UNC13A: variants seen among roughly 807,000 people sequenced by gnomAD.
The protein encoded by UNC13A is unc-13 homolog A.
Under a neutral mutation model 219.7 loss-of-function variants are expected in UNC13A, and 61 were observed. The observed-to-expected ratio is 0.28, with a 90% CI of 0.23 to 0.34. The LOEUF is 0.34. Among genes scored for constraint, UNC13A ranks in the 10% least tolerant of loss-of-function variants. UNC13A has a pLI of 1.00. For missense variants in UNC13A, 1,476 were observed against 2,270.3 expected (o/e 0.65, Z 7.11); for synonymous variants, 920 against 884.6 (o/e 1.04, Z -0.71).
rs1215613321 is a variant in UNC13A at position 17,602,951 on chromosome 19, C to G, written c.*3103G>C. ...CCAGTCTGGGAGAAACAGAGCTGGA[C>G]AGAGAAACCCCCAGTCCCATGGCAT... On this transcript the variant is annotated 3_prime_UTR_variant, in exon 44 of 44. Coordinates refer to ENST00000519716, the MANE Select transcript of UNC13A (RefSeq NM_001080421.3). The G allele has an allele frequency of 6.6e-6, 1 of 152,176 alleles. No homozygotes were observed. Among genetic ancestry groups the G allele is most frequent in the African/African-American group, 2.4e-5 (1 of 41,432 alleles). 9.4% of individuals were successfully genotyped at this position (152,176 alleles called of 1,614,324 possible).
At position 17,617,687 on chromosome 19, in the gene UNC13A, T is replaced by C. The variant is rs766903859; in HGVS notation, c.4558+15A>G. On this transcript the variant is annotated intron_variant, in intron 41 of 43. Transcript: ENST00000519716. Reference sequence around the variant, plus strand: ...CGCGGAGCGGGAAAGGGTGATGCGGTCTGGGTACCCTTACCCTGGGCCGAT... The same window carrying C: ...CGCGGAGCGGGAAAGGGTGATGCGGCCTGGGTACCCTTACCCTGGGCCGAT... The C allele has an allele frequency of 4.3e-6, 7 of 1,610,828 alleles. No homozygotes were observed. Among genetic ancestry groups the C allele is most frequent in the East Asian group, 2.2e-5 (1 of 44,808 alleles).
At chr19:17,636,845 T>A (rs1051494138) in intron 25 of UNC13A, among the ~76,000 whole-genome samples, 1 of 152,198 alleles carries the variant, frequency 6.6e-6, no homozygotes, top group Non-Finnish European at 1.5e-5. Flanking sequence ...ACAACCCAGT[T>A]CATCCTAACT....
chr19:17,641,698 A>C, intron 20 of UNC13A, 142 bp from the exon 21 acceptor site: 1 of 786,174 alleles, frequency 1.3e-6, no homozygotes, highest in South Asian at 2.1e-5. Context: ...CCATCCACAC[A>C]CCCACCCATC....
intron 41 of UNC13A, chr19:17,612,149 T>C (rs996548048): frequency 1.8e-5 from 5 of 282,056 alleles, no homozygotes; most frequent in African/African-American, 4.3e-5. Flanking sequence ...CAAAATTCAG[T>C]CTTCATGTTA....
In UNC13A at chr19:17,674,586, C is replaced by T. The variant is rs1374087874; in HGVS notation, c.152+71G>A. 2 of 1,418,614 alleles carry T rather than the reference C, an allele frequency of 1.4e-6. No individual in the cohort carries two copies. The highest frequency in any genetic ancestry group is 2.8e-5 in the African/African-American group (2 of 71,092). The allele number at this position is 1,418,614 out of a possible 1,614,324, so 87.9% of individuals were successfully genotyped here. ...ACCCGGGATTCCCCAGTGTCCAGCT[C>T]TGCCCTGAGGGGCCAGCGAGGTGCT... On this transcript the variant is annotated intron_variant, in intron 3 of 43. Transcript: ENST00000519716. This position sits in a 1 kb window ranked among gnomAD's most constrained non-coding sequence, Gnocchi z 5.0.
At chr19:17,640,880 CTTTTTT>C (rs10531732) in intron 21 of UNC13A, among the ~76,000 whole-genome samples, 1 of 139,750 alleles carries the variant, frequency 7.2e-6, no homozygotes. Context: ...TTCTTTCTTT[CTTTTTT>C]TTTTTTTTTT....
Position 17,602,004 on chromosome 19 carries a change from G to C in UNC13A, c.*4050C>G, listed in dbSNP as rs1270152673. ...CCATCTGCAAAATCGACAGCACATG[G>C]GGTAGGGGTAGGGGACAGAAAGGCT... On this transcript the variant is annotated 3_prime_UTR_variant, in exon 44 of 44. Transcript: ENST00000519716. 1 of 152,564 alleles carries C rather than the reference G, an allele frequency of 6.6e-6. No homozygotes were observed. The highest frequency in any genetic ancestry group is 2.4e-5 in the African/African-American group (1 of 41,386). The allele number at this position is 152,564 out of a possible 1,614,324, so 9.5% of individuals were successfully genotyped here. A position where few individuals can be genotyped will look rare whatever the true frequency, so the allele number is the denominator to read the frequency against.
rs890190786 is a variant in UNC13A, at chr19:17,626,765, T to A, written c.3941A>T (p.Glu1314Val). Residue 1314 changes from glutamate to valine, a missense_variant, in exon 34 of 44, where the codon GAG becomes GTG. This residue lies in a region of UNC13A where 218 missense variants were observed against 409.4 expected (regional missense o/e 0.53). Transcript: ENST00000519716. ...GATGTCACCCATCTGTTTGACACAC[T>A]CTTCAATGTGCGGCTGGAAGCTGGG... The part of the protein sequence containing the change: ...FATSFQPHIE[E>V]CVKQMGDILS... 2 of 1,611,832 alleles carry A rather than the reference T, an allele frequency of 1.2e-6. No individual in the cohort carries two copies. Among genetic ancestry groups the A allele is most frequent in the Admixed American group, 3.3e-5 (2 of 59,818 alleles).
rs575126345 is a variant in UNC13A, at chr19:17,631,814, C to T, written c.3428+968G>A. 1.5e-4 allele frequency among the ~76,000 whole-genome samples: 23 copies of T among 152,216 alleles called. No homozygotes were observed. In the East Asian group the frequency reaches 2.7e-3, roughly 18 times the overall value. On this transcript the variant is annotated intron_variant, in intron 28 of 43. Transcript: ENST00000519716. ...GGCTGGAGTGCAGTGACACGATTTC[C>T]GCTTACTGCAACCTCTGCCTCCTGA... is the stretch of plus-strand genomic sequence containing the variant.
chr19:17,628,977 A>G (rs2076813531), intron 31 of UNC13A, among the ~76,000 whole-genome samples: 1 of 152,126 alleles, frequency 6.6e-6, no homozygotes, highest in Non-Finnish European at 1.5e-5. Context: ...ACACACACAC[A>G]CACACGCAGA....
At position 17,674,048 on chromosome 19, in the gene UNC13A, C is replaced by A. The variant is rs895942892; in HGVS notation, c.152+609G>T. ...CAAACAAACAAAATTGGTGGCAAGGCCTGGGAAGGCATGATGCCCTGAAAT... is the reference window on the plus strand; with the variant it reads ...CAAACAAACAAAATTGGTGGCAAGGACTGGGAAGGCATGATGCCCTGAAAT... On this transcript the variant is annotated intron_variant, in intron 3 of 43. Coordinates refer to ENST00000519716, the MANE Select transcript of UNC13A (RefSeq NM_001080421.3). The surrounding 1 kb of genome is among the most constrained non-coding windows in gnomAD (Gnocchi z 5.0). Among the ~76,000 whole-genome samples the A allele has an allele frequency of 3.3e-5, 5 of 152,182 alleles. No homozygotes were observed. The highest frequency in any genetic ancestry group is 5.9e-5 in the Non-Finnish European group (4 of 68,040).
intron 34 of UNC13A, chr19:17,626,150 TATCCATCCATCCATCCATCCATCC>T (rs35036813): frequency 1.3e-5 from 2 of 148,940 alleles, no homozygotes; most frequent in Non-Finnish European, 2.9e-5. Flanking sequence ...TCCAACCATT[TATCCATCCATCCATCCATCCATCC>T]ATCCATCCAT....
At chr19:17,685,494 C>T (rs549459064) in intron 1 of UNC13A, among the ~76,000 whole-genome samples, 3 of 152,246 alleles carry the variant, frequency 2.0e-5, no homozygotes, top group Admixed American at 1.3e-4. Context: ...CCACCGCGCT[C>T]GGCTGGACAT....
Position 17,688,165 on chromosome 19 carries a change from C to T in UNC13A, c.22+13G>A. ...TCCACACGGGTCCCCCGACCCCCAG[C>T]CTCGCCTCCTACCTCCAACGCAAAG... is the stretch of plus-strand genomic sequence containing the variant. On this transcript the variant is annotated intron_variant, in intron 1 of 43. Coordinates refer to ENST00000519716, the MANE Select transcript of UNC13A (RefSeq NM_001080421.3). The T allele has an allele frequency of 6.5e-7, 1 of 1,528,584 alleles. No individual in the cohort carries two copies. 94.7% of individuals were successfully genotyped at this position (1,528,584 alleles called of 1,614,324 possible). A position where few individuals can be genotyped will look rare whatever the true frequency, so the allele number is the denominator to read the frequency against.
chr19:17,647,393 G>A lies in UNC13A; in HGVS notation c.1916C>T (p.Pro639Leu). 6.2e-7 allele frequency: 1 copy of A among 1,613,706 alleles called. No homozygotes were observed. Among genetic ancestry groups the A allele is most frequent in the Non-Finnish European group, 8.5e-7 (1 of 1,179,818 alleles). Residue 639 changes from proline (P) to leucine (L), a missense_variant, in exon 17 of 44, where the codon CCC becomes CTC. Pro to Leu is a moderately conservative substitution (Grantham distance 98). This residue lies in a region of UNC13A where 34 missense variants were observed against 38.7 expected (regional missense o/e 0.88). Coordinates refer to ENST00000519716, the MANE Select transcript of UNC13A (RefSeq NM_001080421.3). ...CTCCTGGATGAGCTCGAAGATCTCG[G>A]GCTTGTTGCGCTCCCGGATCTTCAT... Reference protein sequence around the residue: ...DRMKIRERNKPEIFELIQEIF... With the variant: ...DRMKIRERNKLEIFELIQEIF...
intron 7 of UNC13A, 139 bp from the exon 8 acceptor site, chr19:17,663,706 G>A (rs2079592569): frequency 1.3e-6 from 1 of 779,214 alleles, no homozygotes; most frequent in Non-Finnish European, 2.1e-6. Context: ...TACCTTCCCT[G>A]AGTATCACCT....
chr19:17,612,469 T>C (rs1335482165), intron 41 of UNC13A, among the ~76,000 whole-genome samples: 1 of 152,186 alleles, frequency 6.6e-6, no homozygotes, highest in Non-Finnish European at 1.5e-5. Context: ...ATCCCATGCC[T>C]GGACTATTGC....
intron 7 of UNC13A, among the ~76,000 whole-genome samples, chr19:17,665,057 G>A (rs1286672861): frequency 2.0e-5 from 3 of 152,100 alleles, no homozygotes; most frequent in African/African-American, 7.2e-5. Context: ...AAAATTAGCT[G>A]GGCGTGGTGG....
In UNC13A at chr19:17,627,438, C is replaced by T; in HGVS notation, c.3920+71G>A. ...TTCACCTCTACATCTGCTGAGCCTC[C>T]AGATGCCCCAGGCTTAGAGGGCTGA... On this transcript the variant is annotated intron_variant, in intron 33 of 43. Coordinates refer to ENST00000519716, the MANE Select transcript of UNC13A (RefSeq NM_001080421.3). The surrounding 1 kb of genome is among the most constrained non-coding windows in gnomAD (Gnocchi z 4.7). 8.2e-7 allele frequency: 1 copy of T among 1,225,542 alleles called. No homozygotes were observed. The highest frequency in any genetic ancestry group is 1.2e-6 in the Non-Finnish European group (1 of 855,944). The allele number at this position is 1,225,542 out of a possible 1,614,324, so 75.9% of individuals were successfully genotyped here.
Sources: allele counts gnomAD v4.1 joint callset (sites outside exome capture counted in the v4.1 genomes callset), GRCh38; gene constraint gnomAD v4.1.1; regional missense constraint gnomAD v4.1.1; non-coding constraint Gnocchi (gnomAD v3.1); transcripts MANE v1.5; gene names NCBI Gene and HGNC (gene_info 2026-07-23, HGNC 2026-07-21).